Variants in NDUFA10 observed in about 807,000 individuals in gnomAD.
NDUFA10 encodes NADH:ubiquinone oxidoreductase subunit A10.
Under a neutral mutation model 47.8 loss-of-function variants are expected in NDUFA10, and 40 were observed. The ratio of observed to expected loss-of-function variants is 0.84; its 90% CI spans 0.65 to 1.09. NDUFA10 has a LOEUF of 1.09. Among genes scored for constraint, NDUFA10 ranks in the 50% least tolerant of loss-of-function variants. The probability of loss-of-function intolerance (pLI) is 0.00; values close to 1 mark genes in which losing one functional copy is unlikely to be tolerated. For missense variants in NDUFA10, 413 were observed against 451.1 expected (o/e 0.92, Z 0.76); for synonymous variants, 183 against 172.2 (o/e 1.06, Z -0.49).
chr2:239,901,937 T>C (rs773489190), intron 4 of NDUFA10, among the ~76,000 whole-genome samples: 12 of 152,160 alleles, frequency 7.9e-5, no homozygotes, highest in Non-Finnish European at 1.5e-4. Flanking sequence ...GGGATGGAAC[T>C]GCTGCAATCT....
chr2:239,989,113 G>T (rs1440271089), intron 9 of NDUFA10, among the ~76,000 whole-genome samples: 1 of 152,236 alleles, frequency 6.6e-6, no homozygotes, highest in Admixed American at 6.5e-5. Flanking sequence ...GACAGAAGGA[G>T]GTGAACACAG....
chr2:239,898,939 G>A lies in NDUFA10; in HGVS notation c.295-3625C>T, dbSNP rs192830436. Among the ~76,000 whole-genome samples, 99 of 138,564 alleles carry A rather than the reference G, an allele frequency of 7.1e-4. 1 individual carries two copies. Among genetic ancestry groups the A allele is most frequent in the African/African-American group, 2.2e-3 (87 of 39,062 alleles). 90.9% of individuals were successfully genotyped at this position (138,564 alleles called of 152,430 possible). A position where few individuals can be genotyped will look rare whatever the true frequency, so the allele number is the denominator to read the frequency against. ...GAAGGTTGTGATGGAGGGGTGTGACGGAGGGGTGTGGAGGGGTGTGGCAGG... is the reference window on the plus strand; with the variant it reads ...GAAGGTTGTGATGGAGGGGTGTGACAGAGGGGTGTGGAGGGGTGTGGCAGG... On this transcript the variant is annotated intron_variant, in intron 4 of 5. Transcript: ENST00000419408.
intron 9 of NDUFA10, among the ~76,000 whole-genome samples, chr2:239,986,240 C>A (rs1695998499): frequency 6.6e-6 from 1 of 152,174 alleles, no homozygotes; most frequent in African/African-American, 2.4e-5. Flanking sequence ...ATGAAAATAA[C>A]CTGCAGGAAT....
chr2:239,982,080 T>C (rs756320451), intron 9 of NDUFA10: 3 of 1,611,246 alleles, frequency 1.9e-6, no homozygotes, highest in Non-Finnish European at 2.5e-6. Context: ...TGCTGTTTGC[T>C]CCCCTGCAGC....
At chr2:239,932,726 T>C (rs1175704968) in intron 4 of NDUFA10, among the ~76,000 whole-genome samples, 4 of 152,172 alleles carry the variant, frequency 2.6e-5, no homozygotes, top group East Asian at 3.9e-4. Flanking sequence ...ACTACAGGCA[T>C]CCGCCACCAT....
At chr2:239,976,654 G>T (rs567763425) in intron 9 of NDUFA10, 1 of 152,370 alleles carries the variant, frequency 6.6e-6, no homozygotes, top group East Asian at 1.9e-4. Flanking sequence ...CGGTGAAATG[G>T]GGGCCAGACG....
chr2:239,961,043 A>T lies in NDUFA10; in HGVS notation c.*75T>A. ...TTTACCCTCCCCCGATCTTAAAGCT[A>T]TATGGCGTCCAGGAGAGTGCGGCTG... On this transcript the variant is annotated 3_prime_UTR_variant, in exon 10 of 10. Coordinates refer to ENST00000252711, the MANE Select transcript of NDUFA10 (RefSeq NM_004544.4). The T allele has an allele frequency of 6.2e-7, 1 of 1,607,780 alleles. No individual in the cohort carries two copies. Among genetic ancestry groups the T allele is most frequent in the Non-Finnish European group, 8.5e-7 (1 of 1,177,352 alleles).
intron 7 of NDUFA10, among the ~76,000 whole-genome samples, chr2:240,006,205 C>T (rs1696943256): frequency 6.6e-6 from 1 of 152,198 alleles, no homozygotes; most frequent in African/African-American, 2.4e-5. Flanking sequence ...TTCTAAGATA[C>T]ATGCCACCTA....
intron 4 of NDUFA10, among the ~76,000 whole-genome samples, chr2:239,914,272 GAC>G (rs1693802384): frequency 1.4e-5 from 2 of 143,256 alleles, no homozygotes; most frequent in African/African-American, 5.3e-5. Context: ...TACATACACA[GAC>G]ACACACAAAT....
At chr2:239,924,540 A>G (rs536790220) in intron 4 of NDUFA10, among the ~76,000 whole-genome samples, 2 of 152,266 alleles carry the variant, frequency 1.3e-5, no homozygotes, top group African/African-American at 4.8e-5. Flanking sequence ...GCAAACAGGT[A>G]GAGAGAGGAA....
intron 9 of NDUFA10, among the ~76,000 whole-genome samples, chr2:239,976,862 A>C (rs1357176102): frequency 6.6e-6 from 1 of 152,204 alleles, no homozygotes; most frequent in Non-Finnish European, 1.5e-5. Flanking sequence ...TTCTCTCAGT[A>C]AGAGCAGCTC....
intron 9 of NDUFA10, chr2:239,982,244 T>C (rs372048790): frequency 9.3e-6 from 15 of 1,611,510 alleles, no homozygotes; most frequent in African/African-American, 2.7e-5. Flanking sequence ...GAAACAATTC[T>C]GTTCACCTCG....
At chr2:239,896,592 G>T (rs10933526) in intron 4 of NDUFA10, among the ~76,000 whole-genome samples, 4,069 of 152,318 alleles carry the variant, frequency 0.027, 148 homozygotes, top group East Asian at 0.15. Flanking sequence ...ATGCCAACTT[G>T]TTTGGCTCCT....
intron 9 of NDUFA10, among the ~76,000 whole-genome samples, chr2:239,978,396 C>CA (rs1233675849): frequency 1.3e-4 from 20 of 152,312 alleles, no homozygotes; most frequent in African/African-American, 4.8e-4. Flanking sequence ...CGGCCTCTGA[C>CA]AGACACTGAA....
chr2:239,900,263 G>A (rs1028822493), intron 4 of NDUFA10, among the ~76,000 whole-genome samples: 25 of 121,822 alleles, frequency 2.1e-4, no homozygotes, highest in African/African-American at 6.3e-4. Flanking sequence ...AGACTATTGT[G>A]GGACTTCACC....
In NDUFA10 at chr2:239,990,072, A is replaced by G; in HGVS notation, c.999+2T>C. ...CAGCTTTCTCCATTTCCACAGTCTTACCTCTCTGAACTGATGTAAGACACG... is the reference window on the plus strand; with the variant it reads ...CAGCTTTCTCCATTTCCACAGTCTTGCCTCTCTGAACTGATGTAAGACACG... On this transcript the variant is annotated splice_donor_variant, in intron 9 of 9. Coordinates refer to ENST00000252711, the MANE Select transcript of NDUFA10 (RefSeq NM_004544.4). LOFTEE classifies it high-confidence loss of function. 1 of 1,598,460 alleles carries G rather than the reference A, an allele frequency of 6.3e-7. No individual in the cohort carries two copies. The highest frequency in any genetic ancestry group is 1.7e-5 in the Admixed American group (1 of 59,972).
chr2:239,902,869 G>C (rs1029100608), intron 4 of NDUFA10, among the ~76,000 whole-genome samples: 1 of 152,010 alleles, frequency 6.6e-6, no homozygotes, highest in African/African-American at 2.4e-5. Context: ...CTGCGGAAGG[G>C]GGCTGGGCTC....
chr2:240,014,473 A>G (rs1234144175), intron 5 of NDUFA10: 2 of 488,942 alleles, frequency 4.1e-6, no homozygotes, highest in Non-Finnish European at 3.7e-6. Context: ...CAGCCTCCCA[A>G]GTTTAAACAG....
chr2:239,961,279 C>A (rs1694844712), intron 9 of NDUFA10, 93 bp from the exon 10 acceptor site: 1 of 1,595,768 alleles, frequency 6.3e-7, no homozygotes, highest in Non-Finnish European at 8.5e-7. Flanking sequence ...GATGCCTGTA[C>A]TTCATGAGTT....
Sources: allele counts gnomAD v4.1 joint callset (sites outside exome capture counted in the v4.1 genomes callset), GRCh38; gene constraint gnomAD v4.1.1; transcripts MANE v1.5; gene names NCBI Gene and HGNC (gene_info 2026-07-23, HGNC 2026-07-21).